Variants in TBC1D19 observed in about 807,000 individuals in gnomAD.
TBC1D19 encodes the protein TBC1 domain family member 19.
TBC1D19 carries 60 observed loss-of-function variants against 89.0 expected under a neutral mutation model. That is an observed-to-expected ratio of 0.67 (90% CI 0.55 to 0.84). The LOEUF is 0.84. Ranked by LOEUF, TBC1D19 falls within the 40% of genes least tolerant of loss-of-function variation. TBC1D19 has a pLI of 0.00. For missense variants in TBC1D19, 500 were observed against 610.8 expected (o/e 0.82, Z 1.91); for synonymous variants, 189 against 199.7 (o/e 0.95, Z 0.45).
chr4:26,730,624 C>A (rs909308799), intron 15 of TBC1D19, among the ~76,000 whole-genome samples: 2 of 152,224 alleles, frequency 1.3e-5, no homozygotes, highest in African/African-American at 4.8e-5. Flanking sequence ...TGATAACAAT[C>A]TGGAAGGCCA....
At chr4:26,590,796 G>GTTTTTTTTTTT (rs869124166) in intron 1 of TBC1D19, among the ~76,000 whole-genome samples, 815 of 52,830 alleles carry the variant, frequency 0.015, 84 homozygotes, top group East Asian at 0.019. Flanking sequence ...TTGCAGGTCT[G>GTTTTTTTTTTT]TTTTTTTTTT....
chr4:26,613,719 T>C (rs1741512600), intron 2 of TBC1D19, among the ~76,000 whole-genome samples: 1 of 152,208 alleles, frequency 6.6e-6, no homozygotes, highest in South Asian at 2.1e-4. Context: ...AATATTCTGA[T>C]GGATAAATAC....
At chr4:26,655,787 A>G (rs1744757516) in intron 7 of TBC1D19, among the ~76,000 whole-genome samples, 1 of 152,210 alleles carries the variant, frequency 6.6e-6, no homozygotes, top group Non-Finnish European at 1.5e-5. Context: ...TTCCTTGGCT[A>G]GGAAAGGGAA....
chr4:26,687,625 T>C (rs1415952719), intron 12 of TBC1D19, among the ~76,000 whole-genome samples: 1 of 152,140 alleles, frequency 6.6e-6, no homozygotes, highest in Non-Finnish European at 1.5e-5. Flanking sequence ...TTTTATCATA[T>C]TTATTTTTAC....
the TBC1D19 span, among the ~76,000 whole-genome samples, chr4:26,814,543 G>A: frequency 6.6e-6 from 1 of 152,220 alleles, no homozygotes; most frequent in South Asian, 2.1e-4. Flanking sequence ...TTTGCTGCCT[G>A]TGCTTAATTT....
At chr4:26,601,894 G>A (rs1472473068) in intron 1 of TBC1D19, among the ~76,000 whole-genome samples, 1 of 152,108 alleles carries the variant, frequency 6.6e-6, no homozygotes, top group Non-Finnish European at 1.5e-5. Flanking sequence ...CTTTGCTCCC[G>A]TTTTCCAGTT....
chr4:26,669,193 AAG>A (rs1712070222), intron 9 of TBC1D19, among the ~76,000 whole-genome samples: 1 of 151,792 alleles, frequency 6.6e-6, no homozygotes. Flanking sequence ...TTCTTTCTAA[AAG>A]AAAAAATCAT....
the TBC1D19 span, among the ~76,000 whole-genome samples, chr4:26,835,611 C>G: frequency 6.6e-6 from 1 of 152,156 alleles, no homozygotes; most frequent in African/African-American, 2.4e-5. Flanking sequence ...CCTTCCTGAA[C>G]ACCTCTCGAA....
At chr4:26,762,143 A>G in the TBC1D19 span, among the ~76,000 whole-genome samples, 1 of 152,180 alleles carries the variant, frequency 6.6e-6, no homozygotes, top group Non-Finnish European at 1.5e-5. Flanking sequence ...CTCAAAATAA[A>G]TAAATAAATA....
At chr4:26,580,760 A>G (rs976795724), upstream of TBC1D19, among the ~76,000 whole-genome samples, 2 of 152,222 alleles carry the variant, frequency 1.3e-5, no homozygotes, top group Admixed American at 1.3e-4. Context: ...CCCTCATGTG[A>G]ATAAAGTAAA....
upstream of TBC1D19, among the ~76,000 whole-genome samples, chr4:26,579,857 G>T (rs1298198505): frequency 3.3e-5 from 5 of 152,090 alleles, no homozygotes; most frequent in African/African-American, 1.2e-4. Context: ...AAGATATTTG[G>T]AATTGCAGCA....
chr4:26,781,907 C>T, the TBC1D19 span, among the ~76,000 whole-genome samples: 2 of 147,154 alleles, frequency 1.4e-5, no homozygotes, highest in South Asian at 2.2e-4. Context: ...ATTTTTTACT[C>T]ACTTCCATGT....
the TBC1D19 span, among the ~76,000 whole-genome samples, chr4:26,818,333 T>G: frequency 6.6e-6 from 1 of 152,186 alleles, no homozygotes; most frequent in Admixed American, 6.5e-5. Context: ...GCTCAAATGA[T>G]TCTCCTTCCT....
chr4:26,749,071 C>T (rs1560511782), intron 19 of TBC1D19, among the ~76,000 whole-genome samples: 3 of 152,122 alleles, frequency 2.0e-5, no homozygotes, highest in Non-Finnish European at 4.4e-5. Flanking sequence ...TTCTCTCAGG[C>T]CAAAAACTAT....
At chr4:26,848,971 T>C in the TBC1D19 span, among the ~76,000 whole-genome samples, 66 of 152,158 alleles carry the variant, frequency 4.3e-4, no homozygotes, top group African/African-American at 1.6e-3. Context: ...GGTAGGTAGA[T>C]TGCTTGGGTC....
chr4:26,584,331 G>C, intron 1 of TBC1D19, 39 bp downstream of exon 1: 1 of 1,566,136 alleles, frequency 6.4e-7, no homozygotes, highest in Non-Finnish European at 8.7e-7. Context: ...AGACGGGCGG[G>C]GCCGCGGCGA....
At chr4:26,778,011 T>C in the TBC1D19 span, among the ~76,000 whole-genome samples, 1 of 145,974 alleles carries the variant, frequency 6.9e-6, no homozygotes, top group African/African-American at 2.6e-5. Flanking sequence ...AGGCTGAGGA[T>C]GCAGTTGCGT....
intron 1 of TBC1D19, among the ~76,000 whole-genome samples, chr4:26,585,364 A>G (rs191962918): frequency 7.2e-4 from 110 of 152,032 alleles, no homozygotes; most frequent in African/African-American, 2.6e-3. Context: ...TAGAAGTGTA[A>G]TAGTATCTTA....
chr4:26,614,200 A>G (rs575477977), intron 2 of TBC1D19, among the ~76,000 whole-genome samples: 2 of 152,216 alleles, frequency 1.3e-5, no homozygotes, highest in East Asian at 3.8e-4. Flanking sequence ...TATCATGTTG[A>G]TGACTTTGCT....
Sources: allele counts gnomAD v4.1 joint callset (sites outside exome capture counted in the v4.1 genomes callset), GRCh38; gene constraint gnomAD v4.1.1; transcripts MANE v1.5; gene names NCBI Gene and HGNC (gene_info 2026-07-23, HGNC 2026-07-21).